SYNE1: variants seen among roughly 807,000 people sequenced by gnomAD.
The protein encoded by SYNE1 is spectrin repeat containing nuclear envelope protein 1, also known as nesprin-1.
In SYNE1, 616 loss-of-function variants were observed where a neutral mutation model predicts 1,111.0. The observed-to-expected ratio is 0.55, with a 90% CI of 0.52 to 0.59. The LOEUF is 0.59. Among genes scored for constraint, SYNE1 ranks in the 20% least tolerant of loss-of-function variants. SYNE1 has a pLI of 0.00. For synonymous variants in SYNE1, 3,855 were observed against 3,825.8 expected (o/e 1.01, Z -0.28); for missense variants, 10,006 against 10,417.0 (o/e 0.96, Z 1.72).
intron 73 of SYNE1, among the ~76,000 whole-genome samples, chr6:152,344,589 T>C (rs1438600957): frequency 6.6e-6 from 1 of 152,174 alleles, no homozygotes; most frequent in Non-Finnish European, 1.5e-5. Flanking sequence ...GTATAAATAT[T>C]GCACTTTTTG....
intron 90 of SYNE1, 144 bp from the exon 91 acceptor site, chr6:152,308,776 T>A: frequency 1.1e-6 from 1 of 901,226 alleles, no homozygotes. Flanking sequence ...ATGGTTTGAA[T>A]TCCTCACTTT....
At chr6:152,442,918 C>T (rs1337624808) in intron 30 of SYNE1, among the ~76,000 whole-genome samples, 1 of 152,138 alleles carries the variant, frequency 6.6e-6, no homozygotes, top group Non-Finnish European at 1.5e-5. Flanking sequence ...TACACTCCAG[C>T]CTGTGTGGCA....
intron 2 of SYNE1, among the ~76,000 whole-genome samples, chr6:152,635,179 A>G (rs747824830): frequency 2.0e-5 from 3 of 152,260 alleles, no homozygotes; most frequent in Non-Finnish European, 4.4e-5. Flanking sequence ...GGACTCAAGT[A>G]AAAAAGAGTT....
At chr6:152,591,229 C>T (rs1047640895) in intron 3 of SYNE1, among the ~76,000 whole-genome samples, 1 of 152,048 alleles carries the variant, frequency 6.6e-6, no homozygotes, top group Non-Finnish European at 1.5e-5. Flanking sequence ...AGAACAAAGC[C>T]GGAGTTATCA....
chr6:152,612,096 C>T (rs1025325100), intron 3 of SYNE1, among the ~76,000 whole-genome samples: 3 of 149,200 alleles, frequency 2.0e-5, no homozygotes, highest in East Asian at 2.0e-4. Context: ...ACTAGAGAAA[C>T]AAGAGCAAAT....
At position 152,350,269 on chromosome 6, in the gene SYNE1, C is replaced by T; in HGVS notation, c.11800G>A (p.Val3934Ile). ...GACATCTGCAGCAGCCACTTTTCGACCTCTTGGAGCTCACTGTTGTAGTCT... is the reference window on the plus strand; with the variant it reads ...GACATCTGCAGCAGCCACTTTTCGATCTCTTGGAGCTCACTGTTGTAGTCT... ...HEDYNSELQE[V>I]EKWLLQMSGR... The change falls in exon 72 of 146, where the codon GTC (valine) becomes ATC (isoleucine). Residue 3934 changes from valine (V) to isoleucine (I), a missense_variant. Val to Ile is a conservative substitution (Grantham distance 29). Coordinates refer to ENST00000367255, the MANE Select transcript of SYNE1 (RefSeq NM_182961.4). 6.2e-7 allele frequency: 1 copy of T among 1,614,192 alleles called. No homozygotes were observed. The highest frequency in any genetic ancestry group is 8.5e-7 in the Non-Finnish European group (1 of 1,180,042).
chr6:152,537,877 C>A (rs2099251100), intron 4 of SYNE1, among the ~76,000 whole-genome samples: 1 of 152,172 alleles, frequency 6.6e-6, no homozygotes, highest in Admixed American at 6.6e-5. Context: ...AACATCCCAG[C>A]TCTTAAACCT....
intron 129 of SYNE1, among the ~76,000 whole-genome samples, chr6:152,177,634 C>T (rs1314498836): frequency 6.6e-6 from 1 of 152,158 alleles, no homozygotes; most frequent in Non-Finnish European, 1.5e-5. Flanking sequence ...TGTCCTCATA[C>T]CTGCAGCCCC....
chr6:152,596,267 TTTG>T (rs1230402812), intron 3 of SYNE1, among the ~76,000 whole-genome samples: 2,813 of 82,692 alleles, frequency 0.034, 71 homozygotes, highest in Admixed American at 0.087. Flanking sequence ...TTTTTGTTTG[TTTG>T]TTTTTTTTTT....
intron 138 of SYNE1, among the ~76,000 whole-genome samples, chr6:152,142,583 T>C (rs2058729075): frequency 6.6e-6 from 1 of 152,246 alleles, no homozygotes; most frequent in African/African-American, 2.4e-5. Context: ...GTGCTTACCA[T>C]AAATCCTTTA....
At chr6:152,598,248 G>A (rs776962769) in intron 3 of SYNE1, among the ~76,000 whole-genome samples, 11 of 152,076 alleles carry the variant, frequency 7.2e-5, no homozygotes, top group Non-Finnish European at 1.5e-4. Flanking sequence ...CAAGTCTCAC[G>A]AGATCTGATG....
chr6:152,384,420 G>A (rs1054274139), intron 55 of SYNE1, among the ~76,000 whole-genome samples: 2 of 152,084 alleles, frequency 1.3e-5, no homozygotes, highest in African/African-American at 4.8e-5. Context: ...ATGGAAGGAT[G>A]GATGAATAAA....
At chr6:152,200,005 T>G (rs926089820) in intron 127 of SYNE1, among the ~76,000 whole-genome samples, 1 of 152,230 alleles carries the variant, frequency 6.6e-6, no homozygotes, top group Non-Finnish European at 1.5e-5. Flanking sequence ...TTTCTTCTAA[T>G]ACTTCTAAAC....
At chr6:152,471,025 G>A (rs917234844) in intron 16 of SYNE1, among the ~76,000 whole-genome samples, 3 of 152,116 alleles carry the variant, frequency 2.0e-5, no homozygotes, top group African/African-American at 4.8e-5. Context: ...TATATTGATA[G>A]CCCAAAATGT....
In SYNE1 at chr6:152,310,032, T is replaced by G; in HGVS notation, c.17020-15A>C. On this transcript the variant is annotated splice_polypyrimidine_tract_variant and intron_variant, in intron 89 of 145. Coordinates refer to ENST00000367255, the MANE Select transcript of SYNE1 (RefSeq NM_182961.4). Reference sequence around the variant, plus strand: ...GACAACAAATGCTGAAAATGCAATTTCATAGTTCAAAAATTTAATATTTAA... The same window carrying G: ...GACAACAAATGCTGAAAATGCAATTGCATAGTTCAAAAATTTAATATTTAA... 3.7e-6 allele frequency: 6 copies of G among 1,611,284 alleles called. No individual in the cohort carries two copies. The highest frequency in any genetic ancestry group is 5.1e-6 in the Non-Finnish European group (6 of 1,179,278).
intron 125 of SYNE1, 80 bp from the exon 126 acceptor site, chr6:152,206,442 AC>A (rs1205452866): frequency 2.6e-6 from 4 of 1,518,732 alleles, no homozygotes; most frequent in Non-Finnish European, 3.6e-6. Flanking sequence ...AATGGCCCTA[AC>A]TTTTGCCCTC....
chr6:152,434,102 C>G (rs1393582740), intron 33 of SYNE1, 157 bp from the exon 34 acceptor site: 1 of 666,338 alleles, frequency 1.5e-6, no homozygotes, highest in African/African-American at 1.8e-5. Flanking sequence ...CACAGTTGTT[C>G]TGAGTAGTTT....
intron 115 of SYNE1, among the ~76,000 whole-genome samples, chr6:152,229,454 C>G (rs2082268426): frequency 6.6e-6 from 1 of 152,122 alleles, no homozygotes; most frequent in African/African-American, 2.4e-5. Context: ...CAGAGTAGAA[C>G]AAGCACACTC....
Position 152,450,829 on chromosome 6 carries a change from A to G in SYNE1, c.3191T>C (p.Phe1064Ser). Residue 1064 changes from phenylalanine (F) to serine (S), a missense_variant, in exon 27 of 146, where the codon TTC (phenylalanine) becomes TCC (serine). Coordinates refer to ENST00000367255, the MANE Select transcript of SYNE1 (RefSeq NM_182961.4). Reference sequence around the variant, plus strand: ...ATGATGAGGACCTTTGTCACTGAAGAAAACCTAATGTGTAATAAATGTTTT... The same window carrying G: ...ATGATGAGGACCTTTGTCACTGAAGGAAACCTAATGTGTAATAAATGTTTT... ...SEKIIKEHRV[F>S]FSDKGPHHLC... is the part of the protein sequence containing the mutation. The G allele has an allele frequency of 6.2e-7, 1 of 1,613,972 alleles. No individual in the cohort carries two copies. The highest frequency in any genetic ancestry group is 8.5e-7 in the Non-Finnish European group (1 of 1,179,956).
Sources: allele counts gnomAD v4.1 joint callset (sites outside exome capture counted in the v4.1 genomes callset), GRCh38; gene constraint gnomAD v4.1.1; transcripts MANE v1.5; gene names NCBI Gene and HGNC (gene_info 2026-07-23, HGNC 2026-07-21).